Variants in FNTB observed in about 807,000 individuals in gnomAD.
FNTB encodes farnesyltransferase, CAAX box, subunit beta, also known as protein farnesyltransferase subunit beta.
FNTB carries 27 observed loss-of-function variants against 59.4 expected under a neutral mutation model. The observed-to-expected ratio is 0.45, with a 90% CI of 0.34 to 0.63. The LOEUF is 0.63. FNTB is among the 20% of genes least tolerant of loss of function. The pLI is 0.02. For synonymous variants in FNTB, 230 were observed against 220.7 expected, an observed-to-expected ratio of 1.04 and a Z score of -0.37; for missense variants, 449 against 559.6, an observed-to-expected ratio of 0.80 and a Z score of 1.99.
chr14:64,996,765 T>A (rs924440550), intron 1 of FNTB, among the ~76,000 whole-genome samples: 4 of 128,000 alleles, frequency 3.1e-5, no homozygotes, highest in East Asian at 2.5e-4. Context: ...TTTGCTAACA[T>A]CTTTTTTTTT....
chr14:64,990,214 G>A lies in FNTB; in HGVS notation c.144+3117G>A, dbSNP rs1011441838. Among the ~76,000 whole-genome samples the A allele has an allele frequency of 6.6e-6, 1 of 152,154 alleles. No individual in the cohort carries two copies. Among genetic ancestry groups the A allele is most frequent in the South Asian group, 2.1e-4 (1 of 4,828 alleles). On this transcript the variant is annotated intron_variant, in intron 1 of 11. Transcript: ENST00000246166. The surrounding 1 kb of genome is among the most constrained non-coding windows in gnomAD (Gnocchi z 5.2). ...TAAAATACCCTGACTGAGATGGAGA[G>A]CCACTTGGCTGTATACCTGCCATTT...
intron 1 of FNTB, among the ~76,000 whole-genome samples, chr14:64,987,948 C>A (rs1228984593): frequency 6.6e-6 from 1 of 152,128 alleles, no homozygotes; most frequent in African/African-American, 2.4e-5. Flanking sequence ...TAGGATAATT[C>A]TTAACACTAA....
Position 65,032,783 on chromosome 14 carries a change from C to T in FNTB, c.692+87C>T. On this transcript the variant is annotated intron_variant, in intron 7 of 11. Transcript: ENST00000246166. This position sits in a 1 kb window ranked among gnomAD's most constrained non-coding sequence, Gnocchi z 5.0. ...GAAAAATAAAGAAAATGCAGAGGGA[C>T]TTGGAAGGAAATACAAAAATCACAG... is the stretch of plus-strand genomic sequence containing the variant. 7.6e-7 allele frequency: 1 copy of T among 1,311,864 alleles called. No homozygotes were observed. The allele number at this position is 1,311,864 out of a possible 1,614,324, so 81.3% of individuals were successfully genotyped here. A position where few individuals can be genotyped will look rare whatever the true frequency, so the allele number is the denominator to read the frequency against.
chr14:64,992,104 C>T (rs368536032), intron 1 of FNTB, among the ~76,000 whole-genome samples: 1 of 152,068 alleles, frequency 6.6e-6, no homozygotes, highest in South Asian at 2.1e-4. Flanking sequence ...CTTTTTATGC[C>T]TCTGATAGAA....
chr14:64,991,911 A>G lies in FNTB; in HGVS notation c.144+4814A>G, dbSNP rs1888215087. Reference sequence around the variant, plus strand: ...AGGTGAGCTGGGCGGGTGGGCCCCTATCAGGGTATTAAGAGGCAGGTGATG... The same window carrying G: ...AGGTGAGCTGGGCGGGTGGGCCCCTGTCAGGGTATTAAGAGGCAGGTGATG... On this transcript the variant is annotated intron_variant, in intron 1 of 11. Coordinates refer to ENST00000246166, the MANE Select transcript of FNTB (RefSeq NM_002028.4). This position sits in a 1 kb window ranked among gnomAD's most constrained non-coding sequence, Gnocchi z 4.4. 2.6e-5 allele frequency among the ~76,000 whole-genome samples: 4 copies of G among 152,218 alleles called. No homozygotes were observed. In the South Asian group the frequency reaches 8.3e-4, roughly 32 times the overall value.
At chr14:65,049,540 C>T (rs2062560758) in intron 9 of FNTB, among the ~76,000 whole-genome samples, 1 of 152,160 alleles carries the variant, frequency 6.6e-6, no homozygotes, top group African/African-American at 2.4e-5. Flanking sequence ...TTCAGGATAT[C>T]TGGAAGCTCC....
intron 11 of FNTB, among the ~76,000 whole-genome samples, chr14:65,059,296 A>T (rs2062809723): frequency 6.6e-6 from 1 of 150,856 alleles, no homozygotes; most frequent in African/African-American, 2.4e-5. Flanking sequence ...CTGGGATTAT[A>T]GGTGTGAGCC....
At position 65,030,996 on chromosome 14, in the gene FNTB, C is replaced by T. The variant is rs904973230; in HGVS notation, c.606-1614C>T. 6.6e-6 allele frequency among the ~76,000 whole-genome samples: 1 copy of T among 151,696 alleles called. No individual in the cohort carries two copies. The highest frequency in any genetic ancestry group is 1.5e-5 in the Non-Finnish European group (1 of 67,928). ...CTAATTTTTGTATTTTTAGTAGAGA[C>T]GAGGTCTCACCATGTTGGCCAGGCT... On this transcript the variant is annotated intron_variant, in intron 6 of 11. Coordinates refer to ENST00000246166, the MANE Select transcript of FNTB (RefSeq NM_002028.4). This position sits in a 1 kb window ranked among gnomAD's most constrained non-coding sequence, Gnocchi z 4.5.
At position 65,015,695 on chromosome 14, in the gene FNTB, T is replaced by G. The variant is rs762103979; in HGVS notation, c.353T>G (p.Ile118Ser). Residue 118 changes from isoleucine (I) to serine (S), a missense_variant, in exon 4 of 12, where the codon ATC becomes AGC. By Grantham distance (142) the Ile-to-Ser change is moderately radical. Around this residue, in one of 2 missense-constraint regions of FNTB, gnomAD observed 337 missense variants for 479.1 expected, o/e 0.70. Transcript: ENST00000246166. ...LHSLELLDEP[I>S]PQIVATDVCQ... The stretch of plus-strand genomic sequence containing the variant: ...AGCTTGGAACTGCTAGATGAACCCA[T>G]CCCCCAGATAGTGGCTACAGAGTGA... 17 of 1,614,024 alleles carry G rather than the reference T, an allele frequency of 1.1e-5. No individual in the cohort carries two copies. The highest frequency in any genetic ancestry group is 8.5e-7 in the Non-Finnish European group (1 of 1,180,012).
At chr14:65,006,419 A>G in intron 2 of FNTB, 1 of 1,368,896 alleles carries the variant, frequency 7.3e-7, no homozygotes, top group East Asian at 2.4e-5. Flanking sequence ...AGATACAGCT[A>G]GAGATTAGCA....
intron 7 of FNTB, among the ~76,000 whole-genome samples, chr14:65,037,849 A>G (rs1278879689): frequency 6.7e-6 from 1 of 150,178 alleles, no homozygotes; most frequent in African/African-American, 2.5e-5. Flanking sequence ...GGTGCAGACC[A>G]GCTCACTGCA....
intron 7 of FNTB, among the ~76,000 whole-genome samples, chr14:65,040,139 A>G (rs2062311877): frequency 6.6e-6 from 1 of 152,178 alleles, no homozygotes. Context: ...GCAGTGAGCC[A>G]TGATCTGCAG....
rs757474346 is a variant in FNTB at position 65,012,384 on chromosome 14, T to G, written c.277T>G (p.Tyr93Asp). The change falls in exon 3 of 12, where the codon TAT (tyrosine) becomes GAT (aspartate). Residue 93 changes from tyrosine to aspartate, a missense_variant. Coordinates refer to ENST00000246166, the MANE Select transcript of FNTB (RefSeq NM_002028.4). This position sits in a 1 kb window ranked among gnomAD's most constrained non-coding sequence, Gnocchi z 5.0. ...KRGLRQLTDAYECLDASRPWL... is the reference protein window; with the variant it reads ...KRGLRQLTDADECLDASRPWL... ...AGGCCTTCGACAACTGACAGATGCC[T>G]ATGAGGTAAACACATTACCCAGGAA... is the stretch of plus-strand genomic sequence containing the variant. 1 of 1,614,170 alleles carries G rather than the reference T, an allele frequency of 6.2e-7. No individual in the cohort carries two copies. The highest frequency in any genetic ancestry group is 8.5e-7 in the Non-Finnish European group (1 of 1,179,972).
Position 65,012,780 on chromosome 14 carries a change from T to C in FNTB, c.282+391T>C, listed in dbSNP as rs1223061260. Among the ~76,000 whole-genome samples the C allele has an allele frequency of 1.3e-5, 2 of 152,244 alleles. No homozygotes were observed. The highest frequency in any genetic ancestry group is 4.8e-5 in the African/African-American group (2 of 41,458). On this transcript the variant is annotated intron_variant, in intron 3 of 11. Transcript: ENST00000246166. The surrounding 1 kb of genome is among the most constrained non-coding windows in gnomAD (Gnocchi z 5.0). The stretch of plus-strand genomic sequence containing the variant: ...AGGACTATTGTCCAAACCTGTTAAG[T>C]CTGTATCGTGATGGTTACAAATTTT...
chr14:64,994,544 A>G lies in FNTB; in HGVS notation c.144+7447A>G, dbSNP rs1888324511. ...ACAAACCTACACAGTATGTTACTGT[A>G]CTAAATACTGCAGGCAATTGGAACA... is the stretch of plus-strand genomic sequence containing the variant. On this transcript the variant is annotated intron_variant, in intron 1 of 11. Coordinates refer to ENST00000246166, the MANE Select transcript of FNTB (RefSeq NM_002028.4). The surrounding 1 kb of genome is among the most constrained non-coding windows in gnomAD (Gnocchi z 4.2). Among the ~76,000 whole-genome samples the G allele has an allele frequency of 6.6e-6, 1 of 152,256 alleles. No homozygotes were observed. The highest frequency in any genetic ancestry group is 1.5e-5 in the Non-Finnish European group (1 of 68,044).
In FNTB at chr14:65,011,790, C is replaced by T. The variant is rs371411496; in HGVS notation, c.210-527C>T. On this transcript the variant is annotated intron_variant, in intron 2 of 11. Transcript: ENST00000246166. This position sits in a 1 kb window ranked among gnomAD's most constrained non-coding sequence, Gnocchi z 4.0. ...CCTCTGGCCAGGGCTGTGGGTCACA[C>T]GTGGGAGGTGGAATTTCAGGGAGAG... Among the ~76,000 whole-genome samples the T allele has an allele frequency of 4.6e-5, 7 of 152,236 alleles. No individual in the cohort carries two copies. The South Asian group carries it at 1.5e-3, about 32-fold the overall frequency.
chr14:65,034,652 A>G (rs2062151273), intron 7 of FNTB, among the ~76,000 whole-genome samples: 2 of 151,974 alleles, frequency 1.3e-5, no homozygotes, highest in South Asian at 2.1e-4. Flanking sequence ...GTTCTCTTTT[A>G]TATTTTGTGT....
intron 1 of FNTB, among the ~76,000 whole-genome samples, chr14:64,996,388 T>C (rs561811484): frequency 2.7e-4 from 41 of 152,320 alleles, no homozygotes; most frequent in South Asian, 1.7e-3. Flanking sequence ...AACTCAACTC[T>C]TGGGTTCCCT....
intron 7 of FNTB, among the ~76,000 whole-genome samples, chr14:65,039,474 A>G (rs1485909609): frequency 6.6e-6 from 1 of 152,194 alleles, no homozygotes; most frequent in African/African-American, 2.4e-5. Flanking sequence ...TGATTCTTAT[A>G]TAAGTTTGCA....
Sources: allele counts gnomAD v4.1 joint callset (sites outside exome capture counted in the v4.1 genomes callset), GRCh38; gene constraint gnomAD v4.1.1; regional missense constraint gnomAD v4.1.1; non-coding constraint Gnocchi (gnomAD v3.1); transcripts MANE v1.5; gene names NCBI Gene and HGNC (gene_info 2026-07-23, HGNC 2026-07-21).